SLC8A2: variants seen among roughly 807,000 people sequenced by gnomAD.
The protein encoded by SLC8A2 is solute carrier family 8 member A2.
Under a neutral mutation model 70.2 loss-of-function variants are expected in SLC8A2, and 14 were observed. The observed-to-expected ratio is 0.20, with a 90% CI of 0.13 to 0.31. The LOEUF is 0.31. Among genes scored for constraint, SLC8A2 ranks in the 10% least tolerant of loss-of-function variants. The pLI is 1.00. For missense variants in SLC8A2, 779 were observed against 1,320.1 expected (o/e 0.59, Z 6.35); for synonymous variants, 575 against 594.3 (o/e 0.97, Z 0.47).
At chr19:47,435,402 G>C (rs985508685) in intron 8 of SLC8A2, among the ~76,000 whole-genome samples, 2 of 152,040 alleles carry the variant, frequency 1.3e-5, no homozygotes, top group Non-Finnish European at 2.9e-5. Flanking sequence ...CCTCGTTTCA[G>C]TTCCGCCTCA....
rs1312503104 is a variant in SLC8A2 at position 47,437,506 on chromosome 19, T to C, written c.2066A>G (p.His689Arg). Residue 689 changes from histidine to arginine, a missense_variant, in exon 8 of 10, where the codon CAT becomes CGT. Physicochemically the swap from His to Arg is conservative, Grantham distance 29. Coordinates refer to ENST00000236877, the MANE Select transcript of SLC8A2 (RefSeq NM_015063.3). ...CTCTAAAAACTGCTCCCTCCATGAA[T>C]GGGTCCCAATTACCAAGGCCAAGTT... The part of the protein sequence containing the change: ...KTNLALVIGT[H>R]SWREQFLEAI... 6.2e-7 allele frequency: 1 copy of C among 1,614,026 alleles called. No individual in the cohort carries two copies. Among genetic ancestry groups the C allele is most frequent in the African/African-American group, 1.3e-5 (1 of 75,036 alleles).
intron 3 of SLC8A2, among the ~76,000 whole-genome samples, chr19:47,450,929 C>T (rs1189605244): frequency 6.6e-6 from 1 of 151,770 alleles, no homozygotes; most frequent in Non-Finnish European, 1.5e-5. Flanking sequence ...TCTTAGAGTC[C>T]TAAAAGTCAT....
In SLC8A2 at chr19:47,429,616, TCTGA is replaced by T; in HGVS notation, c.*469_*472del. 6.1e-6 allele frequency: 1 copy of T among 163,192 alleles called. No individual in the cohort carries two copies. The highest frequency in any genetic ancestry group is 5.8e-5 in the Admixed American group (1 of 17,332). The allele number at this position is 163,192 out of a possible 1,614,324, so 10.1% of individuals were successfully genotyped here. ...GGAAGGGCTGGGAGCTGAGACGGCC[TCTGA>T]CAGCCTCCTTCGAGGGTCCCCCAGG... On this transcript the variant is annotated 3_prime_UTR_variant, in exon 10 of 10. Transcript: ENST00000236877.
At position 47,466,682 on chromosome 19, in the gene SLC8A2, C is replaced by T. The variant is rs534621342; in HGVS notation, c.-16-263G>A. Reference sequence around the variant, plus strand: ...GTCTATGCACTTTGGGCAACTACAGCCGAACACCACGTATCATGCAATTCA... The same window carrying T: ...GTCTATGCACTTTGGGCAACTACAGTCGAACACCACGTATCATGCAATTCA... On this transcript the variant is annotated intron_variant, in intron 1 of 9. Coordinates refer to ENST00000236877, the MANE Select transcript of SLC8A2 (RefSeq NM_015063.3). This position sits in a 1 kb window ranked among gnomAD's most constrained non-coding sequence, Gnocchi z 6.9. Among the ~76,000 whole-genome samples the T allele has an allele frequency of 2.0e-5, 3 of 152,236 alleles. No homozygotes were observed. Among genetic ancestry groups the T allele is most frequent in the African/African-American group, 7.2e-5 (3 of 41,538 alleles).
chr19:47,439,515 G>A (rs773121793), intron 6 of SLC8A2, among the ~76,000 whole-genome samples: 7 of 151,778 alleles, frequency 4.6e-5, no homozygotes, highest in Non-Finnish European at 1.0e-4. Flanking sequence ...CTTGGGCAAC[G>A]AGAGCAAAAC....
chr19:47,457,669 T>TCCG, intron 2 of SLC8A2, 75 bp from the exon 3 acceptor site: 1 of 1,006,144 alleles, frequency 9.9e-7, no homozygotes, highest in Non-Finnish European at 1.4e-6. Context: ...TCAGTCTCTG[T>TCCG]CCGCCTCTGC....
Position 47,447,773 on chromosome 19 carries a change from C to A in SLC8A2, c.1763+36G>T. ...ACATCAGGCCTCGCCCATTCCGAAG[C>A]CCCGCCCCTCTCCGGGCCGCCTCGG... On this transcript the variant is annotated intron_variant, in intron 4 of 9. Coordinates refer to ENST00000236877, the MANE Select transcript of SLC8A2 (RefSeq NM_015063.3). This position sits in a 1 kb window ranked among gnomAD's most constrained non-coding sequence, Gnocchi z 5.1. 1 of 1,542,504 alleles carries A rather than the reference C, an allele frequency of 6.5e-7. No homozygotes were observed.
chr19:47,467,836 CAAAAAA>C (rs35745146), intron 1 of SLC8A2, among the ~76,000 whole-genome samples: 13 of 38,416 alleles, frequency 3.4e-4, no homozygotes, highest in Non-Finnish European at 5.5e-4. Flanking sequence ...TCTAAAAATA[CAAAAAA>C]AAAAAAAAAA....
In SLC8A2 at chr19:47,466,931, C is replaced by T. The variant is rs1967470811; in HGVS notation, c.-16-512G>A. 6.6e-6 allele frequency among the ~76,000 whole-genome samples: 1 copy of T among 152,040 alleles called. No homozygotes were observed. The highest frequency in any genetic ancestry group is 2.4e-5 in the African/African-American group (1 of 41,374). ...AATTAGCTGGGCAGGGTGGCGGGAG[C>T]CTGTAACCCCAGCTACTCGGGAGGC... On this transcript the variant is annotated intron_variant, in intron 1 of 9. Transcript: ENST00000236877. This position sits in a 1 kb window ranked among gnomAD's most constrained non-coding sequence, Gnocchi z 6.9.
chr19:47,465,783 G>A lies in SLC8A2; in HGVS notation c.621C>T (p.Phe207=), dbSNP rs150406623. Reference sequence around the variant, plus strand: ...GGATGAGATAAAGCCAGACATAGGCGAAGATGCTCCAAGAGGCAGTGACAA... The same window carrying A: ...GGATGAGATAAAGCCAGACATAGGCAAAGATGCTCCAAGAGGCAGTGACAA... ...VFFVTASWSI[F]AYVWLYLILA... The change falls in exon 2 of 10, where the codon TTC becomes TTT. Residue 207 remains phenylalanine, a synonymous_variant. Coordinates refer to ENST00000236877, the MANE Select transcript of SLC8A2 (RefSeq NM_015063.3). This position sits in a 1 kb window ranked among gnomAD's most constrained non-coding sequence, Gnocchi z 5.5. The A allele has an allele frequency of 4.4e-4, 709 of 1,614,028 alleles. 2 individuals are homozygous for A. In the African/African-American group the frequency reaches 8.2e-3, roughly 19 times the overall value.
chr19:47,463,974 G>A (rs773291370), intron 2 of SLC8A2, among the ~76,000 whole-genome samples: 6 of 152,116 alleles, frequency 3.9e-5, no homozygotes, highest in Non-Finnish European at 5.9e-5. Context: ...GGCAGAGGTG[G>A]GATTTGAACC....
At chr19:47,463,691 A>AG (rs1196075707) in intron 2 of SLC8A2, among the ~76,000 whole-genome samples, 3 of 151,832 alleles carry the variant, frequency 2.0e-5, no homozygotes, top group Non-Finnish European at 4.4e-5. Context: ...AAAAAAAAAA[A>AG]AAAGAAAGAA....
chr19:47,442,786 C>T (rs946110009), intron 4 of SLC8A2, among the ~76,000 whole-genome samples: 1 of 152,132 alleles, frequency 6.6e-6, no homozygotes, highest in Non-Finnish European at 1.5e-5. Flanking sequence ...TGGGATCAAG[C>T]GATCCTCCTG....
intron 9 of SLC8A2, among the ~76,000 whole-genome samples, chr19:47,431,089 T>C (rs1302588321): frequency 6.6e-6 from 1 of 152,006 alleles, no homozygotes; most frequent in Non-Finnish European, 1.5e-5. Flanking sequence ...AGTACAGTGG[T>C]GCGATCATGG....
chr19:47,460,645 C>T lies in SLC8A2; in HGVS notation c.676-3051G>A, dbSNP rs139242812. On this transcript the variant is annotated intron_variant, in intron 2 of 9. Transcript: ENST00000236877. ...CCAGGAGGGGGAGGTTGCAGTGAGCCGAGATCACGCCACTGCACTCCAGCC... is the reference window on the plus strand; with the variant it reads ...CCAGGAGGGGGAGGTTGCAGTGAGCTGAGATCACGCCACTGCACTCCAGCC... Among the ~76,000 whole-genome samples, 90 of 149,246 alleles carry T rather than the reference C, an allele frequency of 6.0e-4. No homozygotes were observed. In the Middle Eastern group the frequency reaches 0.021, roughly 35 times the overall value.
At position 47,466,412 on chromosome 19, in the gene SLC8A2, G is replaced by A; in HGVS notation, c.-9C>T. On this transcript the variant is annotated 5_prime_UTR_variant, in exon 2 of 10. Coordinates refer to ENST00000236877, the MANE Select transcript of SLC8A2 (RefSeq NM_015063.3). The surrounding 1 kb of genome is among the most constrained non-coding windows in gnomAD (Gnocchi z 6.9). ...AAGGCCAGGGGAGCCATGGGGGGTGGTGGGGTCCTATGGGGGAGGAGGAGG... is the reference window on the plus strand; with the variant it reads ...AAGGCCAGGGGAGCCATGGGGGGTGATGGGGTCCTATGGGGGAGGAGGAGG... 1 of 1,305,068 alleles carries A rather than the reference G, an allele frequency of 7.7e-7. No homozygotes were observed. 80.8% of individuals were successfully genotyped at this position (1,305,068 alleles called of 1,614,324 possible). A position where few individuals can be genotyped will look rare whatever the true frequency, so the allele number is the denominator to read the frequency against.
intron 1 of SLC8A2, among the ~76,000 whole-genome samples, chr19:47,467,721 G>T (rs1478928737): frequency 1.3e-5 from 2 of 151,758 alleles, no homozygotes; most frequent in African/African-American, 4.8e-5. Flanking sequence ...CGCTGGACAC[G>T]GTGGCTCACG....
intron 3 of SLC8A2, among the ~76,000 whole-genome samples, chr19:47,450,019 T>C (rs1050841666): frequency 6.6e-6 from 1 of 151,916 alleles, no homozygotes; most frequent in East Asian, 1.9e-4. Context: ...GGCAGTGACA[T>C]TAGATTACTC....
intron 4 of SLC8A2, among the ~76,000 whole-genome samples, chr19:47,442,048 G>A (rs1333522123): frequency 6.6e-6 from 1 of 152,202 alleles, no homozygotes; most frequent in East Asian, 1.9e-4. Flanking sequence ...GTTGCAGTGA[G>A]CTGAGATCAT....
Sources: gnomAD v4.1 joint callset for allele counts (sites outside exome capture counted in the v4.1 genomes callset) on GRCh38, gnomAD v4.1.1 for gene constraint, Gnocchi (gnomAD v3.1) non-coding constraint, MANE v1.5 for transcripts, NCBI Gene and HGNC (gene_info 2026-07-23, HGNC 2026-07-21) for gene names.